The following TRAPPC9 variants were observed in gnomAD, a reference collection of about 807,000 sequenced individuals.
TRAPPC9 encodes the protein IKK2 binding protein.
TRAPPC9 carries 83 observed loss-of-function variants against 124.0 expected under a neutral mutation model. The ratio of observed to expected loss-of-function variants is 0.67; its 90% CI spans 0.56 to 0.80. The LOEUF is 0.80. TRAPPC9 is among the 30% of genes least tolerant of loss of function. The pLI, the probability that TRAPPC9 is intolerant of heterozygous loss-of-function variation, is 0.00. For missense variants in TRAPPC9, 1,302 were observed against 1,508.3 expected (o/e 0.86, Z 2.27); for synonymous variants, 638 against 617.5 (o/e 1.03, Z -0.49).
At chr8:139,947,907 T>TATATATATATATATATATAG in intron 19 of TRAPPC9, among the ~76,000 whole-genome samples, 16 of 60,316 alleles carry the variant, frequency 2.7e-4, no homozygotes, top group Non-Finnish European at 4.3e-4. Flanking sequence ...TATATATATA[T>TATATATATATATATATATAG]AGAGAGAGAG....
chr8:140,352,323 G>C (rs2067610229), intron 9 of TRAPPC9, among the ~76,000 whole-genome samples: 1 of 152,202 alleles, frequency 6.6e-6, no homozygotes, highest in Admixed American at 6.5e-5. Flanking sequence ...TTGGTTTCTT[G>C]TAGGTAAAGC....
Position 139,882,018 on chromosome 8 carries a change from G to A in TRAPPC9, c.3055+3861C>T, listed in dbSNP as rs138264747. ...TCCCTGGGGTGGGCAAGGGGGTGGT[G>A]AGGATGAATGCCACAGATTCAAGGA... On this transcript the variant is annotated intron_variant, in intron 21 of 22. Transcript: ENST00000438773. Among the ~76,000 whole-genome samples, 374 of 152,306 alleles carry A rather than the reference G, an allele frequency of 2.5e-3. 2 individuals carry two copies. Among genetic ancestry groups the A allele is most frequent in the Middle Eastern group, 0.014 (4 of 294 alleles).
intron 15 of TRAPPC9, among the ~76,000 whole-genome samples, chr8:140,269,735 A>G (rs1399655654): frequency 1.3e-5 from 2 of 152,144 alleles, no homozygotes; most frequent in African/African-American, 4.8e-5. Context: ...CAGTATTCTT[A>G]TAATAAAAGT....
chr8:140,112,686 G>A (rs1027919530), intron 17 of TRAPPC9, among the ~76,000 whole-genome samples: 8 of 152,168 alleles, frequency 5.3e-5, no homozygotes, highest in Non-Finnish European at 1.2e-4. Context: ...CATCCTGTCA[G>A]ATAGAATGGC....
At chr8:140,264,080 T>G (rs2064529281) in intron 15 of TRAPPC9, among the ~76,000 whole-genome samples, 1 of 152,210 alleles carries the variant, frequency 6.6e-6, no homozygotes, top group African/African-American at 2.4e-5. Context: ...CCGTGATTAT[T>G]TTTAAGAAAA....
At chr8:140,162,852 C>CTACA (rs2061774248) in intron 17 of TRAPPC9, among the ~76,000 whole-genome samples, 2 of 152,002 alleles carry the variant, frequency 1.3e-5, no homozygotes, top group Admixed American at 6.6e-5. Flanking sequence ...ATTAGCCAGG[C>CTACA]ATGGTGGCAC....
intron 16 of TRAPPC9, among the ~76,000 whole-genome samples, chr8:140,248,076 T>G (rs1357664235): frequency 6.6e-6 from 1 of 152,248 alleles, no homozygotes; most frequent in Non-Finnish European, 1.5e-5. Flanking sequence ...CCTTTTCTGT[T>G]GACCATCTTT....
At chr8:140,177,326 G>C (rs531601929) in intron 17 of TRAPPC9, among the ~76,000 whole-genome samples, 5 of 151,988 alleles carry the variant, frequency 3.3e-5, no homozygotes, top group African/African-American at 1.2e-4. Context: ...ATACATGTGG[G>C]GTTAAGGGTC....
intron 20 of TRAPPC9, among the ~76,000 whole-genome samples, chr8:139,887,621 T>C (rs778389922): frequency 6.6e-6 from 1 of 152,208 alleles, no homozygotes; most frequent in Non-Finnish European, 1.5e-5. Context: ...GTGTTCTGCC[T>C]GGAAATGTCT....
chr8:139,947,077 G>A (rs971827295), intron 19 of TRAPPC9, among the ~76,000 whole-genome samples: 1 of 152,202 alleles, frequency 6.6e-6, no homozygotes, highest in Non-Finnish European at 1.5e-5. Context: ...AGAGAGAAAT[G>A]AGTTGGTAAT....
chr8:140,073,943 C>T (rs767871995), intron 17 of TRAPPC9, among the ~76,000 whole-genome samples: 2 of 152,158 alleles, frequency 1.3e-5, no homozygotes, highest in Non-Finnish European at 2.9e-5. Context: ...ACACCTGTGA[C>T]CTCATTAAAT....
In TRAPPC9 at chr8:140,266,596, T is replaced by C. The variant is rs539449467; in HGVS notation, c.2278+9062A>G. Among the ~76,000 whole-genome samples the C allele has an allele frequency of 1.4e-4, 21 of 151,910 alleles. 1 individual carries two copies. The highest frequency in any genetic ancestry group is 1.2e-3 in the East Asian group (6 of 5,134). On this transcript the variant is annotated intron_variant, in intron 15 of 22. Transcript: ENST00000438773. ...CTCTGTGGCCGGGTGCAGTGGCTCA[T>C]GCCTGTAATCCCAGCACTTTGGGAG...
chr8:139,764,424 C>T (rs1820444522), intron 21 of TRAPPC9, among the ~76,000 whole-genome samples: 1 of 152,212 alleles, frequency 6.6e-6, no homozygotes, highest in Non-Finnish European at 1.5e-5. Flanking sequence ...GGCTGCAAAG[C>T]TGTGTCCCAG....
chr8:139,833,503 C>T (rs185874165), intron 21 of TRAPPC9, among the ~76,000 whole-genome samples: 30 of 152,340 alleles, frequency 2.0e-4, no homozygotes, highest in East Asian at 9.7e-4. Flanking sequence ...AATCCGGCCA[C>T]GGCACCTGGC....
At chr8:140,144,151 T>C (rs1421927645) in intron 17 of TRAPPC9, among the ~76,000 whole-genome samples, 2 of 152,230 alleles carry the variant, frequency 1.3e-5, no homozygotes, top group Admixed American at 1.3e-4. Context: ...TCCTTCAGTT[T>C]ATCTTGGCTA....
intron 21 of TRAPPC9, among the ~76,000 whole-genome samples, chr8:139,779,875 A>G (rs1329940223): frequency 6.6e-6 from 1 of 152,200 alleles, no homozygotes; most frequent in Non-Finnish European, 1.5e-5. Flanking sequence ...CCTATATACC[A>G]GCAATGAACA....
intron 21 of TRAPPC9, among the ~76,000 whole-genome samples, chr8:139,779,828 C>G (rs1468214732): frequency 6.6e-6 from 1 of 152,036 alleles, no homozygotes. Flanking sequence ...TAGAAGGATG[C>G]AGGACACAAG....
At chr8:140,036,129 C>T (rs949604969) in intron 17 of TRAPPC9, among the ~76,000 whole-genome samples, 12 of 152,048 alleles carry the variant, frequency 7.9e-5, no homozygotes, top group African/African-American at 2.9e-4. Flanking sequence ...CACACAGGCA[C>T]ACCAGGCTCA....
chr8:139,857,254 A>G (rs2130959633), intron 21 of TRAPPC9, among the ~76,000 whole-genome samples: 1 of 152,324 alleles, frequency 6.6e-6, no homozygotes, highest in Admixed American at 6.5e-5. Flanking sequence ...CTGGTATCGC[A>G]GGACACACGC....
Sources: allele counts gnomAD v4.1 joint callset (sites outside exome capture counted in the v4.1 genomes callset), GRCh38; gene constraint gnomAD v4.1.1; transcripts MANE v1.5; gene names NCBI Gene and HGNC (gene_info 2026-07-23, HGNC 2026-07-21).